STIL: variants seen among roughly 807,000 people sequenced by gnomAD.
The protein encoded by STIL is SCL-interrupting locus protein.
STIL carries 55 observed loss-of-function variants against 110.1 expected under a neutral mutation model. That is an observed-to-expected ratio of 0.50 (90% CI 0.40 to 0.63). The LOEUF is 0.63. Ranked by LOEUF, STIL falls within the 20% of genes least tolerant of loss-of-function variation. The pLI is 0.00. For synonymous variants in STIL, 481 were observed against 530.0 expected, an observed-to-expected ratio of 0.91 and a Z score of 1.27; for missense variants, 1,358 against 1,530.0, an observed-to-expected ratio of 0.89 and a Z score of 1.87.
chr1:47,260,050 A>AT (rs1386585799), intron 16 of STIL, among the ~76,000 whole-genome samples: 1 of 152,066 alleles, frequency 6.6e-6, no homozygotes, highest in Non-Finnish European at 1.5e-5. Flanking sequence ...TATCTCTCAA[A>AT]TTACTTATGT....
At chr1:47,305,905 G>C (rs1034624915) in intron 2 of STIL, among the ~76,000 whole-genome samples, 7 of 149,696 alleles carry the variant, frequency 4.7e-5, no homozygotes, top group Admixed American at 1.3e-4. Flanking sequence ...GTAATTTTTT[G>C]TATCTTTAGT....
chr1:47,277,782 C>G (rs935793838), intron 12 of STIL, among the ~76,000 whole-genome samples: 1 of 151,942 alleles, frequency 6.6e-6, no homozygotes, highest in African/African-American at 2.4e-5. Context: ...ACACCTTTAT[C>G]TAGTAACTCA....
rs1274767138 is a variant in STIL at position 47,287,647 on chromosome 1, G to A, written c.1037C>T (p.Pro346Leu). Residue 346 changes from proline to leucine, a missense_variant, in exon 10 of 17, where the codon CCT (proline) becomes CTT (leucine). Physicochemically the swap from Pro to Leu is moderately conservative, Grantham distance 98. Coordinates refer to ENST00000371877, the MANE Select transcript of STIL (RefSeq NM_001048166.1). ...TLHLFKNVEP[P>L]DKNPIRCELS... Reference sequence around the variant, plus strand: ...TTCACAACGGATTGGATTTTTGTCAGGAGGTTCAACATTCTGAAATGAAGT... The same window carrying A: ...TTCACAACGGATTGGATTTTTGTCAAGAGGTTCAACATTCTGAAATGAAGT... 1.9e-6 allele frequency: 3 copies of A among 1,613,352 alleles called. No individual in the cohort carries two copies. The highest frequency in any genetic ancestry group is 2.5e-6 in the Non-Finnish European group (3 of 1,179,554).
chr1:47,290,136 A>T (rs942813284), intron 8 of STIL, among the ~76,000 whole-genome samples: 3 of 152,188 alleles, frequency 2.0e-5, no homozygotes, highest in African/African-American at 7.2e-5. Context: ...AGTTAAAACA[A>T]AATGTTAAAA....
intron 15 of STIL, 94 bp downstream of exon 15, chr1:47,262,809 G>C (rs1044276852): frequency 2.3e-5 from 26 of 1,131,220 alleles, no homozygotes; most frequent in Non-Finnish European, 3.4e-5. Context: ...TTTATCTTAA[G>C]GTCTCAATCA....
intron 1 of STIL, chr1:47,312,964 T>TC (rs1385189179): frequency 5.3e-5 from 8 of 152,204 alleles, no homozygotes; most frequent in Non-Finnish European, 7.3e-5. Context: ...TATGGAAAAG[T>TC]CCCCATAATG....
chr1:47,251,922 A>C lies in STIL; in HGVS notation c.3081T>G (p.Ser1027Arg). The change falls in exon 17 of 17, where the codon AGT becomes AGG. Residue 1027 changes from serine (S) to arginine (R), a missense_variant and splice_region_variant. Coordinates refer to ENST00000371877, the MANE Select transcript of STIL (RefSeq NM_001048166.1). ...KKNAHNVDHA[S>R]VLACISPEAV... Reference sequence around the variant, plus strand: ...CTTCTGGGCTGATGCATGCCAACACACTGAAAGACACAAAGTAGTAAGCCA... The same window carrying C: ...CTTCTGGGCTGATGCATGCCAACACCCTGAAAGACACAAAGTAGTAAGCCA... The C allele has an allele frequency of 6.2e-7, 1 of 1,610,426 alleles. No homozygotes were observed. Among genetic ancestry groups the C allele is most frequent in the South Asian group, 1.1e-5 (1 of 90,376 alleles).
In STIL at chr1:47,269,664, T is replaced by G. The variant is rs756044525; in HGVS notation, c.2586A>C (p.Glu862Asp). The G allele has an allele frequency of 1.2e-6, 2 of 1,614,184 alleles. No individual in the cohort carries two copies. Among genetic ancestry groups the G allele is most frequent in the Non-Finnish European group, 1.7e-6 (2 of 1,180,024 alleles). The change falls in exon 14 of 17, where the codon GAA becomes GAC. Residue 862 changes from glutamate to aspartate, a missense_variant. Transcript: ENST00000371877. ...SFEESNIAVE[E>D]EFNQPLSVSN... Reference sequence around the variant, plus strand: ...ATACAGAAAGTGGCTGGTTAAATTCTTCTTCCACAGCAATGTTGCTCTCTT... The same window carrying G: ...ATACAGAAAGTGGCTGGTTAAATTCGTCTTCCACAGCAATGTTGCTCTCTT...
chr1:47,257,218 G>A (rs190949143), intron 16 of STIL, among the ~76,000 whole-genome samples: 26 of 152,334 alleles, frequency 1.7e-4, no homozygotes, highest in Admixed American at 7.8e-4. Flanking sequence ...GAAACAATGC[G>A]AATTAATCAG....
chr1:47,274,924 G>C (rs2148904437), intron 12 of STIL, among the ~76,000 whole-genome samples: 1 of 152,094 alleles, frequency 6.6e-6, no homozygotes, highest in African/African-American at 2.4e-5. Flanking sequence ...GGCCGAGGCA[G>C]GTGGATCACC....
At chr1:47,311,777 G>C (rs1316807138) in intron 1 of STIL, among the ~76,000 whole-genome samples, 1 of 152,124 alleles carries the variant, frequency 6.6e-6, no homozygotes, top group Non-Finnish European at 1.5e-5. Flanking sequence ...CCAGGTGTGG[G>C]AGCTCATTCC....
chr1:47,305,720 C>A (rs1172924824), intron 2 of STIL, among the ~76,000 whole-genome samples: 2 of 124,692 alleles, frequency 1.6e-5, no homozygotes, highest in Non-Finnish European at 3.3e-5. Flanking sequence ...GCCACCACGC[C>A]TGGCCTTTTT....
intron 13 of STIL, among the ~76,000 whole-genome samples, chr1:47,270,334 A>C (rs1006616223): frequency 1.8e-4 from 27 of 149,210 alleles, no homozygotes; most frequent in Non-Finnish European, 8.9e-5. Flanking sequence ...TTTCCTCAGA[A>C]ATGCCAGGAA....
At chr1:47,311,592 A>G (rs1646128567) in intron 1 of STIL, among the ~76,000 whole-genome samples, 1 of 152,166 alleles carries the variant, frequency 6.6e-6, no homozygotes, top group East Asian at 1.9e-4. Flanking sequence ...CAGATGTTTC[A>G]AATCCATATT....
chr1:47,266,798 C>A (rs948193186), intron 14 of STIL, among the ~76,000 whole-genome samples: 1 of 152,200 alleles, frequency 6.6e-6, no homozygotes, highest in African/African-American at 2.4e-5. Flanking sequence ...CTCCACGAAA[C>A]AATTAGAATG....
At position 47,282,354 on chromosome 1, in the gene STIL, C is replaced by T. The variant is rs772744531; in HGVS notation, c.1239G>A (p.Val413=). Residue 413 remains valine (V), a synonymous_variant, in exon 11 of 17, where the codon GTG becomes GTA. Coordinates refer to ENST00000371877, the MANE Select transcript of STIL (RefSeq NM_001048166.1). ...SPRPIPSPHP[V]SQKISKIQPS... ...TTAAAATCAGTGATACCTTCTGACT[C>T]ACTGGATGAGGACTAGGAATTGGTC... 2.5e-6 allele frequency: 4 copies of T among 1,608,588 alleles called. No homozygotes were observed.
intron 10 of STIL, 113 bp from the exon 11 acceptor site, chr1:47,282,572 T>G (rs1645182541): frequency 7.2e-6 from 5 of 690,012 alleles, no homozygotes; most frequent in Non-Finnish European, 1.3e-5. Context: ...ATCATTTAAT[T>G]TAGTATCTGA....
intron 15 of STIL, 137 bp downstream of exon 15, chr1:47,262,766 A>G (rs532918182): frequency 6.8e-5 from 51 of 749,192 alleles, no homozygotes; most frequent in Non-Finnish European, 1.1e-4. Context: ...AAGCTAAAAG[A>G]AAAATTACAT....
At chr1:47,299,204 C>T (rs1399009395) in intron 6 of STIL, among the ~76,000 whole-genome samples, 4 of 151,186 alleles carry the variant, frequency 2.6e-5, no homozygotes, top group South Asian at 2.1e-4. Flanking sequence ...AAAAATTAGC[C>T]GGTGTAGTGG....
Sources: allele counts gnomAD v4.1 joint callset (sites outside exome capture counted in the v4.1 genomes callset), GRCh38; gene constraint gnomAD v4.1.1; transcripts MANE v1.5; gene names NCBI Gene and HGNC (gene_info 2026-07-23, HGNC 2026-07-21).